The following WDR17 variants were observed in gnomAD, a reference collection of about 807,000 sequenced individuals.
WDR17 encodes WD repeat-containing protein 17.
A neutral mutation model predicts 161.7 loss-of-function variants in WDR17; 143 were observed. The ratio of observed to expected loss-of-function variants is 0.88; its 90% CI spans 0.77 to 1.02. WDR17 has a LOEUF of 1.02. Among genes scored for constraint, WDR17 ranks in the 50% least tolerant of loss-of-function variants. WDR17 has a pLI of 0.00. For synonymous variants in WDR17, 517 were observed against 515.6 expected (o/e 1.00, Z -0.04); for missense variants, 1,469 against 1,520.9 (o/e 0.97, Z 0.57).
intron 20 of WDR17, 34 bp downstream of exon 20, chr4:176,161,036 T>C: frequency 6.5e-7 from 1 of 1,546,066 alleles, no homozygotes; most frequent in African/African-American, 1.4e-5. Flanking sequence ...TCCATATGTT[T>C]TATGGTTGTC....
intron 1 of WDR17, chr4:176,096,459 T>C (rs1736873859): frequency 1.5e-6 from 2 of 1,368,950 alleles, no homozygotes; most frequent in African/African-American, 2.9e-5. Flanking sequence ...TGTTGTTACT[T>C]TAGGTGCTGA....
At chr4:176,070,311 C>G (rs6847592) in intron 1 of WDR17, among the ~76,000 whole-genome samples, 33 of 152,058 alleles carry the variant, frequency 2.2e-4, no homozygotes, top group African/African-American at 8.0e-4. Context: ...TGGCTCAGAG[C>G]GTAATATTTG....
chr4:176,126,292 TGAG>T (rs1018605021), intron 5 of WDR17, among the ~76,000 whole-genome samples: 4 of 152,098 alleles, frequency 2.6e-5, no homozygotes, highest in Non-Finnish European at 5.9e-5. Context: ...ATGGGGGAAT[TGAG>T]GAATAATTAG....
chr4:176,135,367 A>C (rs1314302043), intron 8 of WDR17, 91 bp downstream of exon 8: 501 of 1,401,002 alleles, frequency 3.6e-4, no homozygotes, highest in Non-Finnish European at 4.6e-4. Flanking sequence ...TCTTGATCTC[A>C]TCTTGTTCTA....
At chr4:176,158,590 C>A (rs147845830) in intron 18 of WDR17, among the ~76,000 whole-genome samples, 1 of 152,234 alleles carries the variant, frequency 6.6e-6, no homozygotes, top group Admixed American at 6.5e-5. Context: ...AATAGCCAGT[C>A]TTGATTTTGT....
intron 1 of WDR17, among the ~76,000 whole-genome samples, chr4:176,108,525 G>T (rs550384027): frequency 6.6e-6 from 1 of 152,220 alleles, no homozygotes; most frequent in East Asian, 1.9e-4. Context: ...GTCAAAACCT[G>T]TATGATGGAG....
chr4:176,168,100 T>C (rs1390124790), intron 22 of WDR17, among the ~76,000 whole-genome samples: 1 of 151,782 alleles, frequency 6.6e-6, no homozygotes, highest in Non-Finnish European at 1.5e-5. Flanking sequence ...TGAGCTGAGA[T>C]TGCACCACTG....
At chr4:176,138,815 T>G (rs889729046) in intron 9 of WDR17, among the ~76,000 whole-genome samples, 3 of 151,878 alleles carry the variant, frequency 2.0e-5, no homozygotes, top group Non-Finnish European at 3.0e-5. Flanking sequence ...TATTTCTTTA[T>G]GTCTTTCCCA....
At chr4:176,120,702 A>G (rs1404146529) in intron 4 of WDR17, among the ~76,000 whole-genome samples, 2 of 151,788 alleles carry the variant, frequency 1.3e-5, no homozygotes, top group Non-Finnish European at 1.5e-5. Flanking sequence ...CCTCAAAAAT[A>G]AGTATTTTAA....
At chr4:176,097,679 T>G (rs1222853894) in intron 1 of WDR17, among the ~76,000 whole-genome samples, 2 of 151,554 alleles carry the variant, frequency 1.3e-5, no homozygotes, top group African/African-American at 4.8e-5. Flanking sequence ...GATGGAAATA[T>G]TTCAGCTTAT....
chr4:176,118,592 T>G (rs773872867), intron 3 of WDR17, among the ~76,000 whole-genome samples: 6 of 152,190 alleles, frequency 3.9e-5, no homozygotes, highest in Non-Finnish European at 8.8e-5. Flanking sequence ...ATTTCCACTC[T>G]GTGTCTTTGT....
At chr4:176,094,920 G>A (rs1310407394) in intron 1 of WDR17, among the ~76,000 whole-genome samples, 1 of 152,096 alleles carries the variant, frequency 6.6e-6, no homozygotes, top group Admixed American at 6.6e-5. Flanking sequence ...AGATACATTA[G>A]GTTTTAAATA....
At chr4:176,159,324 GA>G (rs1748678785) in intron 18 of WDR17, among the ~76,000 whole-genome samples, 1 of 150,916 alleles carries the variant, frequency 6.6e-6, no homozygotes, top group Non-Finnish European at 1.5e-5. Flanking sequence ...GAGAGAGAGA[GA>G]GAGAGAGAGA....
rs373411667 is a variant in WDR17, at chr4:176,173,361, G to A, written c.3339G>A (p.Thr1113=). The change falls in exon 25 of 29, where the codon ACG becomes ACA. Residue 1113 remains threonine (T), a synonymous_variant. Coordinates refer to ENST00000508596, the MANE Select transcript of WDR17 (RefSeq NM_181265.4). ...YIRTEKLLLH[T]CTEARNELLI... ...GTACTGAAAAATTACTCTTGCATAC[G>A]TGTACTGAGTGAGTATTTTTTCTGC... 14 of 1,602,448 alleles carry A rather than the reference G, an allele frequency of 8.7e-6. No individual in the cohort carries two copies. Among genetic ancestry groups the A allele is most frequent in the Middle Eastern group, 1.8e-4 (1 of 5,530 alleles).
intron 1 of WDR17, among the ~76,000 whole-genome samples, chr4:176,073,133 T>C (rs1733454531): frequency 6.6e-6 from 1 of 152,144 alleles, no homozygotes; most frequent in South Asian, 2.1e-4. Context: ...CTTTAAGTTT[T>C]AGGGTACATG....
At chr4:176,160,162 A>G (rs1407426736) in intron 19 of WDR17, 36 bp downstream of exon 19, 2 of 1,608,604 alleles carry the variant, frequency 1.2e-6, no homozygotes, top group Admixed American at 3.3e-5. Context: ...ACATACATGA[A>G]TGCTTGAGCA....
chr4:176,092,048 A>G (rs564925542), intron 1 of WDR17, among the ~76,000 whole-genome samples: 4 of 152,248 alleles, frequency 2.6e-5, no homozygotes, highest in African/African-American at 9.6e-5. Context: ...AATTTCCTCA[A>G]ATTATTCTAT....
In WDR17 at chr4:176,112,629, C is replaced by T. The variant is rs569767342; in HGVS notation, c.123+926C>T. Among the ~76,000 whole-genome samples, 2 of 152,268 alleles carry T rather than the reference C, an allele frequency of 1.3e-5. 1 individual carries two copies. Among genetic ancestry groups the T allele is most frequent in the South Asian group, 4.1e-4 (2 of 4,832 alleles). The stretch of plus-strand genomic sequence containing the variant: ...GCCTGTCTAGAGAACACTTTCTCAT[C>T]TTTCGAATCTCAGCTCCTGTATGAA... On this transcript the variant is annotated intron_variant, in intron 2 of 28. Transcript: ENST00000508596.
At chr4:176,108,678 G>A (rs1021365927) in intron 1 of WDR17, among the ~76,000 whole-genome samples, 1 of 152,162 alleles carries the variant, frequency 6.6e-6, no homozygotes, top group Non-Finnish European at 1.5e-5. Context: ...GGGAGGCTAT[G>A]AGGGGTATAT....
Sources: gnomAD v4.1 joint callset for allele counts (sites outside exome capture counted in the v4.1 genomes callset) on GRCh38, gnomAD v4.1.1 for gene constraint, MANE v1.5 for transcripts, NCBI Gene and HGNC (gene_info 2026-07-23, HGNC 2026-07-21) for gene names.